MFN1: variants seen among roughly 807,000 people sequenced by gnomAD.
MFN1 encodes mitofusin 1.
In MFN1, 65 loss-of-function variants were observed where a neutral mutation model predicts 92.4. The ratio of observed to expected loss-of-function variants is 0.70; its 90% CI spans 0.58 to 0.86. MFN1 has a LOEUF of 0.86. MFN1 is among the 40% of genes least tolerant of loss of function. The pLI, the probability that MFN1 is intolerant of heterozygous loss-of-function variation, is 0.00. For synonymous variants in MFN1, 297 were observed against 300.9 expected (o/e 0.99, Z 0.13); for missense variants, 781 against 868.0 (o/e 0.90, Z 1.26).
intron 16 of MFN1, among the ~76,000 whole-genome samples, chr3:179,387,071 A>G (rs1027542166): frequency 1.3e-5 from 2 of 151,876 alleles, no homozygotes; most frequent in South Asian, 4.2e-4. Context: ...GTGTGCCACC[A>G]CACCAGGATA....
chr3:179,352,121 T>G (rs1712173409), intron 3 of MFN1, 86 bp downstream of exon 3: 1 of 1,373,442 alleles, frequency 7.3e-7, no homozygotes, highest in Non-Finnish European at 9.9e-7. Flanking sequence ...TCTCCCATCC[T>G]CCCCCAGCCC....
rs141212030 is a variant in MFN1, at chr3:179,355,997, G to A, written c.249-2843G>A. Reference sequence around the variant, plus strand: ...AGCCAGGTAAAAGGAAAATTAGAAAGCATTGGTATGGTATAAAAAGAAATA... The same window carrying A: ...AGCCAGGTAAAAGGAAAATTAGAAAACATTGGTATGGTATAAAAAGAAATA... On this transcript the variant is annotated intron_variant, in intron 3 of 17. Coordinates refer to ENST00000471841, the MANE Select transcript of MFN1 (RefSeq NM_033540.3). Among the ~76,000 whole-genome samples, 194 of 151,972 alleles carry A rather than the reference G, an allele frequency of 1.3e-3. 1 individual carries two copies. In the East Asian group the frequency reaches 0.025, roughly 20 times the overall value.
chr3:179,362,454 T>C lies in MFN1; in HGVS notation c.508T>C (p.Leu170=). The C allele has an allele frequency of 3.1e-6, 5 of 1,613,830 alleles. No individual in the cohort carries two copies. Among genetic ancestry groups the C allele is most frequent in the Non-Finnish European group, 4.2e-6 (5 of 1,179,952 alleles). The change falls in exon 5 of 18, where the codon TTG becomes CTG. Residue 170 remains leucine, a synonymous_variant. Coordinates refer to ENST00000471841, the MANE Select transcript of MFN1 (RefSeq NM_033540.3). The part of the protein sequence containing the change: ...VFWPKAKCAL[L]RDDLVLVDSP... The stretch of plus-strand genomic sequence containing the variant: ...TTGGCCAAAAGCAAAATGTGCCCTC[T>C]TGAGAGATGACCTGGTGTTAGTAGA...
intron 7 of MFN1, among the ~76,000 whole-genome samples, chr3:179,366,655 G>C (rs1037692228): frequency 6.6e-6 from 1 of 152,048 alleles, no homozygotes; most frequent in Non-Finnish European, 1.5e-5. Context: ...ATTAACTGTT[G>C]TCTTACAGTC....
chr3:179,373,931 A>C (rs1036470990), intron 9 of MFN1, among the ~76,000 whole-genome samples: 2 of 151,792 alleles, frequency 1.3e-5, no homozygotes, highest in African/African-American at 4.8e-5. Context: ...CCTCGGCCTC[A>C]CAAAGTGCTG....
chr3:179,364,897 T>C (rs556389494), intron 6 of MFN1, among the ~76,000 whole-genome samples: 1 of 152,346 alleles, frequency 6.6e-6, no homozygotes, highest in African/African-American at 2.4e-5. Context: ...AAATAAACTT[T>C]CCAGAGTTTA....
chr3:179,389,059 G>T (rs10049286), intron 16 of MFN1, among the ~76,000 whole-genome samples: 47,942 of 152,034 alleles, frequency 0.32, 10,015 homozygotes, highest in African/African-American at 0.6. Context: ...GTAAACTGTT[G>T]CAGATACAAA....
At chr3:179,386,739 CAT>C in intron 16 of MFN1, 110 bp downstream of exon 16, 1 of 1,044,322 alleles carries the variant, frequency 9.6e-7, no homozygotes, top group Admixed American at 2.6e-5. Flanking sequence ...ACAAAATGAA[CAT>C]GTTTCGTGAT....
chr3:179,377,176 A>G lies in MFN1; in HGVS notation c.1224+8A>G. ...GAGGAGGTGGCAAACAAAGTGGGTA[A>G]CAGTAGCTTCATGATTAAAATAACC... On this transcript the variant is annotated splice_region_variant and intron_variant, in intron 11 of 17. Coordinates refer to ENST00000471841, the MANE Select transcript of MFN1 (RefSeq NM_033540.3). 2 of 1,609,878 alleles carry G rather than the reference A, an allele frequency of 1.2e-6. No individual in the cohort carries two copies. Among genetic ancestry groups the G allele is most frequent in the Non-Finnish European group, 1.7e-6 (2 of 1,178,648 alleles).
At chr3:179,359,088 C>CG in intron 4 of MFN1, 86 bp downstream of exon 4, 9 of 1,318,658 alleles carry the variant, frequency 6.8e-6, no homozygotes, top group Non-Finnish European at 9.0e-6. Context: ...AAGATGTCTG[C>CG]ATCGCTGACA....
intron 14 of MFN1, among the ~76,000 whole-genome samples, chr3:179,382,058 T>G (rs893866693): frequency 1.6e-5 from 2 of 128,562 alleles, no homozygotes; most frequent in Non-Finnish European, 3.2e-5. Flanking sequence ...CTAGCATAAA[T>G]ACAAGCATTT....
chr3:179,370,392 C>CTT (rs34938438), intron 9 of MFN1, among the ~76,000 whole-genome samples: 1,833 of 87,986 alleles, frequency 0.021, 78 homozygotes, highest in Non-Finnish European at 0.025. Flanking sequence ...TCACTAAGTT[C>CTT]TTTTTTTTTT....
chr3:179,380,680 A>G (rs1389922096), intron 14 of MFN1, among the ~76,000 whole-genome samples: 1 of 152,248 alleles, frequency 6.6e-6, no homozygotes, highest in East Asian at 1.9e-4. Context: ...ATCAATGAAG[A>G]GTAAATACAA....
rs1713695869 is a variant in MFN1 at position 179,386,618 on chromosome 3, C to A, written c.2001C>A (p.His667Gln). ...GCTCCACGAGTGCAAACTGCAGTCA[C>A]CAAGTAAAACAGTAAGTTGGAAGGT... ...IVSSTSANCS[H>Q]QVKQQIATTF... The change falls in exon 16 of 18, where the codon CAC becomes CAA. Residue 667 changes from histidine (H) to glutamine (Q), a missense_variant. Transcript: ENST00000471841. 1.9e-6 allele frequency: 3 copies of A among 1,606,450 alleles called. No individual in the cohort carries two copies. The African/African-American group carries it at 4.0e-5, about 22-fold the overall frequency.
chr3:179,380,343 CTG>C (rs1713418821), intron 14 of MFN1, among the ~76,000 whole-genome samples: 1 of 152,342 alleles, frequency 6.6e-6, no homozygotes, highest in East Asian at 1.9e-4. Flanking sequence ...AACAGAATAA[CTG>C]TGCTGGGATG....
chr3:179,367,597 G>T lies in MFN1; in HGVS notation c.907+5G>T, dbSNP rs1289021345. ...CACAGGGGATGCCAGAAAGTGGTAT[G>T]CATTACCTATAGATTTCCTGTTTAA... is the stretch of plus-strand genomic sequence containing the variant. On this transcript the variant is annotated splice_donor_5th_base_variant and intron_variant, in intron 8 of 17. Coordinates refer to ENST00000471841, the MANE Select transcript of MFN1 (RefSeq NM_033540.3). 1.3e-6 allele frequency: 2 copies of T among 1,597,824 alleles called. No homozygotes were observed. Among genetic ancestry groups the T allele is most frequent in the Non-Finnish European group, 1.7e-6 (2 of 1,174,738 alleles).
intron 16 of MFN1, 52 bp downstream of exon 16, chr3:179,386,681 A>T (rs369870551): frequency 1.3e-6 from 2 of 1,501,946 alleles, no homozygotes; most frequent in African/African-American, 2.8e-5. Flanking sequence ...GAAATATGAC[A>T]TACATGCAGA....
chr3:179,365,719 G>A (rs1712761652), intron 7 of MFN1, among the ~76,000 whole-genome samples: 1 of 152,058 alleles, frequency 6.6e-6, no homozygotes, highest in African/African-American at 2.4e-5. Flanking sequence ...CATGACTTCT[G>A]ACCCCCTAAA....
chr3:179,350,610 A>T (rs73043461), intron 2 of MFN1, among the ~76,000 whole-genome samples: 26,070 of 152,172 alleles, frequency 0.17, 2,331 homozygotes, highest in Admixed American at 0.23. Flanking sequence ...AAATGTTGCA[A>T]AAAGGAGACA....
Sources: gnomAD v4.1 joint callset for allele counts (sites outside exome capture counted in the v4.1 genomes callset) on GRCh38, gnomAD v4.1.1 for gene constraint, MANE v1.5 for transcripts, NCBI Gene and HGNC (gene_info 2026-07-23, HGNC 2026-07-21) for gene names.